PDS5A: variants seen among roughly 807,000 people sequenced by gnomAD.
The protein encoded by PDS5A is PDS5 cohesin associated factor A.
A neutral mutation model predicts 167.1 loss-of-function variants in PDS5A; 42 were observed. That is an observed-to-expected ratio of 0.25 (90% CI 0.20 to 0.33). The LOEUF (loss-of-function observed/expected upper bound fraction) is 0.33. PDS5A is among the 10% of genes least tolerant of loss of function. PDS5A has a pLI of 1.00. For missense variants in PDS5A, 1,033 were observed against 1,605.9 expected (o/e 0.64, Z 6.10); for synonymous variants, 553 against 554.6 (o/e 1.00, Z 0.04).
rs1455469766 is a variant in PDS5A, at chr4:39,976,450, T to C, written c.128A>G (p.Lys43Arg). The C allele has an allele frequency of 6.2e-7, 1 of 1,612,872 alleles. No individual in the cohort carries two copies. Residue 43 changes from lysine to arginine, a missense_variant, in exon 2 of 33, where the codon AAA becomes AGA. Lys to Arg is a conservative substitution (Grantham distance 26). Transcript: ENST00000303538. ...CGTCCAGACACTTACCTTCAGGCGT[T>C]TGATCATCTCGTCCGTGGTGATCTT... is the stretch of plus-strand genomic sequence containing the variant. Reference protein sequence around the residue: ...TDKITTDEMIKRLKMVVKTFM... With the variant: ...TDKITTDEMIRRLKMVVKTFM...
chr4:39,915,470 C>T (rs1724289276), intron 8 of PDS5A, among the ~76,000 whole-genome samples: 1 of 151,660 alleles, frequency 6.6e-6, no homozygotes, highest in South Asian at 2.1e-4. Context: ...AGCCATCCTC[C>T]CACCTCAGCC....
intron 31 of PDS5A, 95 bp downstream of exon 31, chr4:39,841,853 G>A: frequency 1.5e-6 from 1 of 675,526 alleles, no homozygotes; most frequent in Non-Finnish European, 2.7e-6. Flanking sequence ...AATGTAGCAT[G>A]TGCATTGAAG....
chr4:39,844,452 G>A (rs1334913473), intron 30 of PDS5A, among the ~76,000 whole-genome samples: 1 of 148,706 alleles, frequency 6.7e-6, no homozygotes, highest in African/African-American at 2.5e-5. Context: ...TCTAGCCTGG[G>A]CGGGGACAAG....
rs754438670 is a variant in PDS5A at position 39,874,437 on chromosome 4, T to C, written c.2154-25A>G. On this transcript the variant is annotated intron_variant, in intron 19 of 32. Coordinates refer to ENST00000303538, the MANE Select transcript of PDS5A (RefSeq NM_001100399.2). ...CCTGCAAAAAATAATATAGTTGTTT[T>C]TTTTTCTTAAACCCATAAACCAACA... 57 of 1,603,470 alleles carry C rather than the reference T, an allele frequency of 3.6e-5. No individual in the cohort carries two copies. In the East Asian group the frequency reaches 1.3e-3, roughly 36 times the overall value.
At chr4:39,945,718 G>A (rs550488345) in intron 2 of PDS5A, among the ~76,000 whole-genome samples, 2 of 150,324 alleles carry the variant, frequency 1.3e-5, no homozygotes, top group East Asian at 2.0e-4. Context: ...TTAGATGGGA[G>A]CATCTAGCAA....
intron 32 of PDS5A, among the ~76,000 whole-genome samples, chr4:39,835,150 G>A (rs1010723747): frequency 1.3e-5 from 2 of 152,058 alleles, no homozygotes; most frequent in Admixed American, 1.3e-4. Context: ...ATATTGGTCA[G>A]GCTGATCTTG....
intron 25 of PDS5A, 42 bp downstream of exon 25, chr4:39,862,827 T>C: frequency 7.7e-7 from 1 of 1,303,124 alleles, no homozygotes; most frequent in South Asian, 1.2e-5. Flanking sequence ...ATGGATACAT[T>C]GACAAAATAT....
At chr4:39,829,539 C>T (rs1178075547) in intron 32 of PDS5A, among the ~76,000 whole-genome samples, 5 of 151,158 alleles carry the variant, frequency 3.3e-5, no homozygotes, top group South Asian at 2.1e-4. Context: ...TCTAGCTACT[C>T]GGGAGGCTGA....
intron 5 of PDS5A, among the ~76,000 whole-genome samples, chr4:39,923,762 CAAT>C (rs1402862682): frequency 6.6e-6 from 1 of 151,792 alleles, no homozygotes; most frequent in Non-Finnish European, 1.5e-5. Flanking sequence ...AAAAAGTATA[CAAT>C]AATAAAGGCA....
At chr4:39,958,180 C>T (rs1044206514) in intron 2 of PDS5A, among the ~76,000 whole-genome samples, 4 of 152,000 alleles carry the variant, frequency 2.6e-5, no homozygotes, top group Non-Finnish European at 5.9e-5. Flanking sequence ...GCATGAGGCA[C>T]CACGCCCAGC....
intron 2 of PDS5A, among the ~76,000 whole-genome samples, chr4:39,947,368 T>C (rs1727876116): frequency 6.6e-6 from 1 of 151,970 alleles, no homozygotes; most frequent in African/African-American, 2.4e-5. Context: ...GGCAGATAAC[T>C]TGAACCGGGA....
chr4:39,930,246 A>AAAAAAAAAAAAAAAAAAATTTTTTT, intron 2 of PDS5A, among the ~76,000 whole-genome samples: 2 of 93,166 alleles, frequency 2.1e-5, no homozygotes, highest in Non-Finnish European at 4.5e-5. Flanking sequence ...AAAAAAAAAA[A>AAAAAAAAAAAAAAAAAAATTTTTTT]GTTTTTTTGT....
intron 2 of PDS5A, among the ~76,000 whole-genome samples, chr4:39,929,518 A>ATTATATATAT (rs1725770084): frequency 8.8e-5 from 2 of 22,766 alleles, no homozygotes; most frequent in African/African-American, 2.4e-4. Context: ...TACTTAATAA[A>ATTATATATAT]CTATATATAT....
At position 39,910,297 on chromosome 4, in the gene PDS5A, T is replaced by C. The variant is rs1392124335; in HGVS notation, c.1034A>G (p.Lys345Arg). ...ATTCATTAAACAATGACTGGCAAAT[T>C]TCACACTTTCTAATCTCACAGGAAC... The part of the protein sequence containing the change: ...IHVPVRLESV[K>R]FASHCLMNHP... The change falls in exon 10 of 33, where the codon AAA becomes AGA. Residue 345 changes from lysine (K) to arginine (R), a missense_variant. Physicochemically the swap from Lys to Arg is conservative, Grantham distance 26. Coordinates refer to ENST00000303538, the MANE Select transcript of PDS5A (RefSeq NM_001100399.2). 6.3e-7 allele frequency: 1 copy of C among 1,586,422 alleles called. No individual in the cohort carries two copies. Among genetic ancestry groups the C allele is most frequent in the Non-Finnish European group, 8.6e-7 (1 of 1,159,242 alleles).
rs1717084875 is a variant in PDS5A at position 39,842,107 on chromosome 4, C to T, written c.3549-51G>A. 8 of 1,143,034 alleles carry T rather than the reference C, an allele frequency of 7.0e-6. No individual in the cohort carries two copies. In the South Asian group the frequency reaches 8.8e-5, roughly 13 times the overall value. The allele number at this position is 1,143,034 out of a possible 1,614,324, so 70.8% of individuals were successfully genotyped here. ...TTCATATTTCCATGAAGAGAAAGTT[C>T]ACTCTCTCACCGTACCAATAAAGAA... On this transcript the variant is annotated intron_variant, in intron 30 of 32. Coordinates refer to ENST00000303538, the MANE Select transcript of PDS5A (RefSeq NM_001100399.2).
At chr4:39,950,067 G>C (rs1006828222) in intron 2 of PDS5A, among the ~76,000 whole-genome samples, 3 of 151,910 alleles carry the variant, frequency 2.0e-5, no homozygotes, top group African/African-American at 7.2e-5. Flanking sequence ...CACCACGCTT[G>C]GCTTATTTTC....
At chr4:39,870,162 CACAA>C (rs1719899183) in intron 21 of PDS5A, among the ~76,000 whole-genome samples, 1 of 151,732 alleles carries the variant, frequency 6.6e-6, no homozygotes, top group Non-Finnish European at 1.5e-5. Flanking sequence ...GAAGCAAACA[CACAA>C]ACAAAAAAAG....
chr4:39,855,265 C>A (rs891386150), intron 26 of PDS5A, among the ~76,000 whole-genome samples: 2 of 152,164 alleles, frequency 1.3e-5, no homozygotes, highest in Non-Finnish European at 2.9e-5. Context: ...AGAACTATAA[C>A]TTCAAGGTCT....
chr4:39,862,928 C>A lies in PDS5A; in HGVS notation c.2912G>T (p.Cys971Phe). 6.2e-7 allele frequency: 1 copy of A among 1,613,250 alleles called. No homozygotes were observed. Among genetic ancestry groups the A allele is most frequent in the Non-Finnish European group, 8.5e-7 (1 of 1,179,800 alleles). ...VKERRAHARQCLLKNISIRRE... is the reference protein window; with the variant it reads ...VKERRAHARQFLLKNISIRRE... The stretch of plus-strand genomic sequence containing the variant: ...GCGTATACTGATATTTTTCAGTAAA[C>A]ATTGTCGTGCGTGTGCTCTTCTCTC... Residue 971 changes from cysteine to phenylalanine, a missense_variant, in exon 25 of 33, where the codon TGT becomes TTT. Cys to Phe is a radical substitution (Grantham distance 205). Around this residue, in one of 4 missense-constraint regions of PDS5A, gnomAD observed 367 missense variants for 686.7 expected, o/e 0.53. Transcript: ENST00000303538.
Sources: allele counts gnomAD v4.1 joint callset (sites outside exome capture counted in the v4.1 genomes callset), GRCh38; gene constraint gnomAD v4.1.1; regional missense constraint gnomAD v4.1.1; transcripts MANE v1.5; gene names NCBI Gene and HGNC (gene_info 2026-07-23, HGNC 2026-07-21).